The following C1orf87 variants were observed in gnomAD, a reference collection of about 807,000 sequenced individuals.
The protein encoded by C1orf87 is uncharacterized protein C1orf87.
In C1orf87, 58 loss-of-function variants were observed where a neutral mutation model predicts 60.5. That is an observed-to-expected ratio of 0.96 (90% CI 0.78 to 1.19). C1orf87 has a LOEUF of 1.19. C1orf87 is among the 50% of genes most tolerant of loss of function. The pLI is 0.00. For synonymous variants in C1orf87, 236 were observed against 227.4 expected, an observed-to-expected ratio of 1.04 and a Z score of -0.34; for missense variants, 673 against 638.6, an observed-to-expected ratio of 1.05 and a Z score of -0.58.
chr1:60,046,125 C>T (rs1645366231), intron 3 of C1orf87, among the ~76,000 whole-genome samples: 1 of 149,774 alleles, frequency 6.7e-6, no homozygotes, highest in African/African-American at 2.5e-5. Context: ...CTTTTCCTTA[C>T]ATCTTTTAAA....
At position 59,997,721 on chromosome 1, in the gene C1orf87, G is replaced by A; in HGVS notation, c.1368C>T (p.Ser456=). The A allele has an allele frequency of 1.2e-6, 2 of 1,613,950 alleles. No homozygotes were observed. The highest frequency in any genetic ancestry group is 1.7e-6 in the Non-Finnish European group (2 of 1,179,910). Residue 456 remains serine (S), a synonymous_variant, in exon 11 of 12, where the codon TCC becomes TCT. Coordinates refer to ENST00000371201, the MANE Select transcript of C1orf87 (RefSeq NM_152377.3). ...TCACAGCTGGATTCACGAAGGGCTG[G>A]GAGACTGGCCTGATCTTTAAAGGTT... The part of the protein sequence containing the change: ...PLKPLKIRPV[S]QPFVNPAVKN...
intron 5 of C1orf87, 69 bp downstream of exon 5, chr1:60,039,848 T>G: frequency 2.0e-6 from 3 of 1,508,186 alleles, no homozygotes; most frequent in Non-Finnish European, 8.9e-7. Context: ...CTTCTTAGTC[T>G]TTTACCCTTG....
Position 60,072,548 on chromosome 1 carries a change from C to A in C1orf87, c.96G>T (p.Glu32Asp). 1 of 1,609,698 alleles carries A rather than the reference C, an allele frequency of 6.2e-7. No individual in the cohort carries two copies. The highest frequency in any genetic ancestry group is 1.1e-5 in the South Asian group (1 of 90,552). The change falls in exon 2 of 12, where the codon GAG becomes GAT. Residue 32 changes from glutamate (E) to aspartate (D), a missense_variant. Glu to Asp is a conservative substitution (Grantham distance 45). Transcript: ENST00000371201. ...IGSKHFQYLV[E>D]KPKIKENDSL... ...AAATATGGACTTACATCTTTGGCTT[C>A]TCCACGAGGTATTGAAAGTGTTTAC...
chr1:60,004,723 A>G (rs1455589610), intron 9 of C1orf87, among the ~76,000 whole-genome samples: 3 of 151,972 alleles, frequency 2.0e-5, no homozygotes, highest in African/African-American at 7.2e-5. Context: ...AATAATAACC[A>G]TCTGTCTAGT....
chr1:60,036,234 G>A (rs1022460700), intron 6 of C1orf87, among the ~76,000 whole-genome samples: 1 of 152,140 alleles, frequency 6.6e-6, no homozygotes, highest in East Asian at 1.9e-4. Context: ...GCCCAGCAAA[G>A]TAAGCCTGAC....
intron 3 of C1orf87, among the ~76,000 whole-genome samples, chr1:60,049,019 G>A (rs1161628053): frequency 6.6e-6 from 1 of 151,908 alleles, no homozygotes; most frequent in African/African-American, 2.4e-5. Flanking sequence ...ATTTTTTGGT[G>A]TAACAGGTAA....
At chr1:60,036,854 C>T (rs1645280855) in intron 6 of C1orf87, among the ~76,000 whole-genome samples, 1 of 152,094 alleles carries the variant, frequency 6.6e-6, no homozygotes, top group Admixed American at 6.6e-5. Context: ...ACTATGGATG[C>T]CTGAATCTCA....
At chr1:60,059,773 A>G (rs149946957) in intron 2 of C1orf87, among the ~76,000 whole-genome samples, 30 of 152,286 alleles carry the variant, frequency 2.0e-4, no homozygotes, top group South Asian at 1.7e-3. Flanking sequence ...CAGCGACTCA[A>G]TGCCACCAAT....
At chr1:60,000,152 T>A (rs1644992530) in intron 10 of C1orf87, among the ~76,000 whole-genome samples, 2 of 152,148 alleles carry the variant, frequency 1.3e-5, no homozygotes, top group Admixed American at 6.6e-5. Context: ...AATAAGTGAA[T>A]GAATGAATGA....
At chr1:60,011,283 A>C (rs2100257963) in intron 8 of C1orf87, among the ~76,000 whole-genome samples, 1 of 152,108 alleles carries the variant, frequency 6.6e-6, no homozygotes, top group South Asian at 2.1e-4. Context: ...TTTATATATA[A>C]ATATGCTCTT....
intron 2 of C1orf87, among the ~76,000 whole-genome samples, chr1:60,059,796 G>A (rs528158794): frequency 3.3e-5 from 5 of 152,274 alleles, no homozygotes; most frequent in Admixed American, 2.0e-4. Context: ...CCAACTGTGC[G>A]CCATCTAACA....
intron 11 of C1orf87, among the ~76,000 whole-genome samples, chr1:59,995,392 T>G (rs147141799): frequency 6.6e-6 from 1 of 152,210 alleles, no homozygotes; most frequent in Non-Finnish European, 1.5e-5. Context: ...CATTATGCCT[T>G]CCTCCGCATG....
At chr1:60,065,279 G>A (rs1241622488) in intron 2 of C1orf87, among the ~76,000 whole-genome samples, 1 of 151,308 alleles carries the variant, frequency 6.6e-6, no homozygotes, top group African/African-American at 2.4e-5. Flanking sequence ...TTTTTCTTGA[G>A]CAGGGGAGGG....
Position 59,990,458 on chromosome 1 carries a change from C to G in C1orf87, c.*215G>C, listed in dbSNP as rs1259690656. 2.5e-6 allele frequency: 1 copy of G among 393,268 alleles called. No individual in the cohort carries two copies. Among genetic ancestry groups the G allele is most frequent in the Non-Finnish European group, 4.4e-6 (1 of 225,714 alleles). The allele number at this position is 393,268 out of a possible 1,614,324, so 24.4% of individuals were successfully genotyped here. On this transcript the variant is annotated 3_prime_UTR_variant, in exon 12 of 12. Coordinates refer to ENST00000371201, the MANE Select transcript of C1orf87 (RefSeq NM_152377.3). ...CTAAGTAGCTGGGTTCTTGCCACAT[C>G]AAAAGATAAAACTAGGTTTCCTCTG...
chr1:60,023,761 T>A (rs1202139285), intron 8 of C1orf87, among the ~76,000 whole-genome samples: 1 of 152,200 alleles, frequency 6.6e-6, no homozygotes, highest in Non-Finnish European at 1.5e-5. Flanking sequence ...CCCATTACAT[T>A]TAGTCTTCAT....
chr1:60,034,069 A>C (rs1645258129), intron 6 of C1orf87, among the ~76,000 whole-genome samples: 1 of 152,250 alleles, frequency 6.6e-6, no homozygotes, highest in African/African-American at 2.4e-5. Context: ...AAAGCAAAGC[A>C]GATTCCACCA....
At chr1:60,026,134 G>A (rs1645196799) in intron 7 of C1orf87, among the ~76,000 whole-genome samples, 1 of 152,060 alleles carries the variant, frequency 6.6e-6, no homozygotes, top group East Asian at 1.9e-4. Flanking sequence ...CAGGTTGGTG[G>A]GTAAGTGACA....
At chr1:60,025,906 G>C (rs1264272185) in intron 7 of C1orf87, among the ~76,000 whole-genome samples, 2 of 152,078 alleles carry the variant, frequency 1.3e-5, no homozygotes, top group Admixed American at 1.3e-4. Flanking sequence ...GTATTAGCAG[G>C]GTTAATATTA....
At chr1:60,051,496 C>T (rs112956982) in intron 3 of C1orf87, among the ~76,000 whole-genome samples, 1 of 152,144 alleles carries the variant, frequency 6.6e-6, no homozygotes, top group Admixed American at 6.5e-5. Context: ...GGATTCAGAA[C>T]AAGAAAACAC....
Sources: allele counts gnomAD v4.1 joint callset (sites outside exome capture counted in the v4.1 genomes callset), GRCh38; gene constraint gnomAD v4.1.1; transcripts MANE v1.5; gene names NCBI Gene and HGNC (gene_info 2026-07-23, HGNC 2026-07-21).